The following NCALD variants were observed in gnomAD, a reference collection of about 807,000 sequenced individuals.
NCALD encodes neurocalcin-delta.
NCALD carries 10 observed loss-of-function variants against 18.6 expected under a neutral mutation model. The observed-to-expected ratio is 0.54, with a 90% confidence interval of 0.33 to 0.91. The LOEUF (loss-of-function observed/expected upper bound fraction) is 0.91, where lower values mean the gene tolerates loss of function less well. NCALD is among the 40% of genes least tolerant of loss of function. The probability of loss-of-function intolerance (pLI) is 0.03; values close to 1 mark genes in which losing one functional copy is unlikely to be tolerated. For missense variants in NCALD, 184 were observed against 247.6 expected, an observed-to-expected ratio of 0.74 and a Z score of 1.72; for synonymous variants, 88 against 87.4, an observed-to-expected ratio of 1.01 and a Z score of -0.04.
At chr8:101,746,410 T>C (rs1810426335) in intron 1 of NCALD, among the ~76,000 whole-genome samples, 1 of 152,092 alleles carries the variant, frequency 6.6e-6, no homozygotes, top group Non-Finnish European at 1.5e-5. Context: ...TCCAGTGTAA[T>C]ACAAATACTA....
chr8:101,921,278 AATTAT>A lies in NCALD; in HGVS notation c.-156-5425_-156-5421del, dbSNP rs921518993. Among the ~76,000 whole-genome samples, 292 of 152,180 alleles carry A rather than the reference AATTAT, an allele frequency of 1.9e-3. 1 individual carries two copies. Among genetic ancestry groups the A allele is most frequent in the African/African-American group, 6.8e-3 (283 of 41,558 alleles). On this transcript the variant is annotated intron_variant, in intron 2 of 6. Coordinates refer to the NCALD transcript ENST00000311028. ...TGTGTAAAAAAAAAAAAAAATCTCA[AATTAT>A]ATTATTGAATTCTTAAATATCAAAG...
At chr8:101,848,345 A>T (rs1479032524) in intron 4 of NCALD, among the ~76,000 whole-genome samples, 1 of 152,086 alleles carries the variant, frequency 6.6e-6, no homozygotes, top group African/African-American at 2.4e-5. Context: ...ACTATAAAAT[A>T]ATTTTAGAAT....
intron 4 of NCALD, among the ~76,000 whole-genome samples, chr8:101,843,877 C>T (rs959369701): frequency 8.6e-5 from 13 of 151,984 alleles, no homozygotes; most frequent in African/African-American, 2.2e-4. Context: ...CCACCATGCC[C>T]GGCTGAGGAT....
chr8:101,756,560 A>G (rs1179444134), intron 1 of NCALD, among the ~76,000 whole-genome samples: 1 of 152,258 alleles, frequency 6.6e-6, no homozygotes, highest in Non-Finnish European at 1.5e-5. Flanking sequence ...CCATCTTTGC[A>G]CGGAATAAGC....
At chr8:101,738,918 T>C (rs763805987) in intron 1 of NCALD, among the ~76,000 whole-genome samples, 2 of 152,182 alleles carry the variant, frequency 1.3e-5, no homozygotes, top group Non-Finnish European at 2.9e-5. Flanking sequence ...TCTCTGACTC[T>C]ATGTCCTTCT....
intron 1 of NCALD, among the ~76,000 whole-genome samples, chr8:102,076,861 G>A (rs999651220): frequency 6.6e-6 from 1 of 152,174 alleles, no homozygotes; most frequent in Non-Finnish European, 1.5e-5. Context: ...TTTTTCTAAT[G>A]GTGATGGTAG....
At chr8:101,763,966 C>CTCT (rs1491550100) in intron 1 of NCALD, among the ~76,000 whole-genome samples, 89 of 85,288 alleles carry the variant, frequency 1.0e-3, no homozygotes, top group African/African-American at 3.3e-3. Context: ...CTCTCTCTCT[C>CTCT]CACACACACA....
At chr8:102,110,419 T>G (rs1215989210) in intron 1 of NCALD, among the ~76,000 whole-genome samples, 1 of 152,218 alleles carries the variant, frequency 6.6e-6, no homozygotes, top group East Asian at 1.9e-4. Context: ...TATTTCTGCC[T>G]GTCGTTTTGC....
chr8:101,688,153 C>A lies in NCALD; in HGVS notation c.*1156G>T, dbSNP rs1437071758. 6.4e-6 allele frequency: 1 copy of A among 156,976 alleles called. No individual in the cohort carries two copies. Among genetic ancestry groups the A allele is most frequent in the Non-Finnish European group, 1.4e-5 (1 of 70,904 alleles). 9.7% of individuals were successfully genotyped at this position (156,976 alleles called of 1,614,324 possible). ...TTGATCTGCTCAGAAAAGCACCATGCCGCCAGTCTAATGCTGTCAATGGGC... is the reference window on the plus strand; with the variant it reads ...TTGATCTGCTCAGAAAAGCACCATGACGCCAGTCTAATGCTGTCAATGGGC... On this transcript the variant is annotated 3_prime_UTR_variant, in exon 4 of 4. Transcript: ENST00000220931.
intron 3 of NCALD, chr8:101,691,524 C>A (rs1814728010): frequency 1.0e-6 from 1 of 985,386 alleles, no homozygotes; most frequent in African/African-American, 1.7e-5. Context: ...GGACCTAGAG[C>A]ACAGCACAAA....
At chr8:102,077,648 T>G (rs778921764) in intron 1 of NCALD, among the ~76,000 whole-genome samples, 2 of 152,144 alleles carry the variant, frequency 1.3e-5, no homozygotes, top group Admixed American at 6.5e-5. Context: ...GCCCACAAAC[T>G]TAGTAGACAG....
At chr8:101,721,960 G>A (rs759978134) in intron 1 of NCALD, among the ~76,000 whole-genome samples, 5 of 151,406 alleles carry the variant, frequency 3.3e-5, no homozygotes, top group Non-Finnish European at 5.9e-5. Context: ...TCCTGCCTCA[G>A]CCTCCCAAAT....
chr8:101,966,337 T>G (rs1349182128), intron 2 of NCALD, among the ~76,000 whole-genome samples: 1 of 152,060 alleles, frequency 6.6e-6, no homozygotes, highest in African/African-American at 2.4e-5. Context: ...TGTAGGGACA[T>G]GGATGAAGCT....
At chr8:102,061,773 G>A (rs1230829261) in intron 1 of NCALD, among the ~76,000 whole-genome samples, 1 of 152,162 alleles carries the variant, frequency 6.6e-6, no homozygotes, top group East Asian at 1.9e-4. Context: ...AGAATTTTCA[G>A]CCGTGCATAA....
rs762843652 is a variant in NCALD, at chr8:101,878,666, CATT to C, written c.-20+8472_-20+8474del. On this transcript the variant is annotated intron_variant, in intron 4 of 6. Transcript: ENST00000311028. ...GGTCATACCAGCACCAAGAAGCTAA[CATT>C]ATTTTTTTAGACTTTGTATTAAAGA... is the stretch of plus-strand genomic sequence containing the variant. 1.0e-3 allele frequency among the ~76,000 whole-genome samples: 155 copies of C among 152,290 alleles called. 1 individual carries two copies. Among genetic ancestry groups the C allele is most frequent in the Non-Finnish European group, 1.4e-3 (97 of 68,016 alleles).
At chr8:102,081,551 A>C (rs866541355) in intron 1 of NCALD, among the ~76,000 whole-genome samples, 27 of 95,636 alleles carry the variant, frequency 2.8e-4, no homozygotes, top group African/African-American at 1.3e-3. Context: ...ATGGTAAAAA[A>C]AAAAAAAAAA....
chr8:101,936,758 CGCT>C (rs1818778564), intron 2 of NCALD, among the ~76,000 whole-genome samples: 1 of 152,004 alleles, frequency 6.6e-6, no homozygotes, highest in Admixed American at 6.6e-5. Context: ...GGTTGAGAAC[CGCT>C]GGTCTAGGGT....
chr8:101,722,642 T>TAA (rs1463546386), intron 1 of NCALD, among the ~76,000 whole-genome samples: 1 of 152,240 alleles, frequency 6.6e-6, no homozygotes, highest in Non-Finnish European at 1.5e-5. Flanking sequence ...CAACCAAACT[T>TAA]AAGTGCCTTT....
intron 2 of NCALD, among the ~76,000 whole-genome samples, chr8:102,009,332 A>C (rs1418929623): frequency 6.6e-6 from 1 of 152,236 alleles, no homozygotes; most frequent in African/African-American, 2.4e-5. Context: ...GCAATTAATG[A>C]GAATTAGATT....
Sources: allele counts gnomAD v4.1 joint callset (sites outside exome capture counted in the v4.1 genomes callset), GRCh38; gene constraint gnomAD v4.1.1; transcripts MANE v1.5; gene names NCBI Gene and HGNC (gene_info 2026-07-23, HGNC 2026-07-21).